The following ARMH4 variants were observed in gnomAD, a reference collection of about 807,000 sequenced individuals.
The protein encoded by ARMH4 is armadillo like helical domain containing 4.
ARMH4 carries 49 observed loss-of-function variants against 61.9 expected under a neutral mutation model. That is an observed-to-expected ratio of 0.79 (90% CI 0.63 to 1.00). ARMH4 has a LOEUF of 1.00. ARMH4 is among the 50% of genes least tolerant of loss of function. The pLI, the probability that ARMH4 is intolerant of heterozygous loss-of-function variation, is 0.00. For missense variants in ARMH4, 934 were observed against 930.0 expected (o/e 1.00, Z -0.06); for synonymous variants, 368 against 341.5 (o/e 1.08, Z -0.85).
chr14:58,024,017 A>G (rs1273038487), intron 5 of ARMH4, among the ~76,000 whole-genome samples: 1 of 152,162 alleles, frequency 6.6e-6, no homozygotes, highest in African/African-American at 2.4e-5. Context: ...GCACAGGCAG[A>G]GTAGATTTAG....
chr14:58,061,226 C>A (rs888701067), intron 5 of ARMH4, among the ~76,000 whole-genome samples: 3 of 152,222 alleles, frequency 2.0e-5, no homozygotes, highest in African/African-American at 7.2e-5. Context: ...TCCTGAATTT[C>A]AACCAATTGC....
At chr14:58,097,055 T>A in intron 4 of ARMH4, 74 bp from the exon 5 acceptor site, 1 of 1,450,636 alleles carries the variant, frequency 6.9e-7, no homozygotes, top group South Asian at 1.2e-5. Context: ...TCCTTGGAAA[T>A]GATCCAAACA....
At chr14:58,067,319 G>T (rs972729145) in intron 5 of ARMH4, among the ~76,000 whole-genome samples, 1 of 152,184 alleles carries the variant, frequency 6.6e-6, no homozygotes, top group African/African-American at 2.4e-5. Flanking sequence ...AGACACATGT[G>T]AATAAACAAA....
At chr14:58,060,148 A>G (rs1165638694) in intron 5 of ARMH4, among the ~76,000 whole-genome samples, 2 of 152,168 alleles carry the variant, frequency 1.3e-5, no homozygotes, top group Admixed American at 1.3e-4. Context: ...TATGATCACA[A>G]TTGTCTTTAC....
At chr14:58,126,516 C>T (rs530343801) in intron 4 of ARMH4, among the ~76,000 whole-genome samples, 6 of 152,352 alleles carry the variant, frequency 3.9e-5, no homozygotes, top group African/African-American at 1.4e-4. Flanking sequence ...CATACACATG[C>T]ATGCACACAT....
At chr14:58,052,979 G>C (rs1884195762) in intron 5 of ARMH4, among the ~76,000 whole-genome samples, 2 of 152,012 alleles carry the variant, frequency 1.3e-5, no homozygotes, top group Admixed American at 1.3e-4. Flanking sequence ...GAAACTAGGA[G>C]TCCCCTTTAA....
chr14:58,045,510 T>A (rs1377036891), intron 5 of ARMH4, among the ~76,000 whole-genome samples: 7 of 151,702 alleles, frequency 4.6e-5, no homozygotes, highest in South Asian at 2.1e-4. Context: ...ATACCTAATG[T>A]AAATGACGAG....
At chr14:58,040,359 A>G (rs1466948576) in intron 5 of ARMH4, among the ~76,000 whole-genome samples, 3 of 151,176 alleles carry the variant, frequency 2.0e-5, no homozygotes, top group Non-Finnish European at 4.4e-5. Flanking sequence ...GTTCCCCGCC[A>G]TGTGTCCATG....
At chr14:58,133,859 TTAAG>T (rs1273040430) in intron 2 of ARMH4, among the ~76,000 whole-genome samples, 2 of 152,234 alleles carry the variant, frequency 1.3e-5, no homozygotes, top group Non-Finnish European at 2.9e-5. Context: ...ATATAGTATC[TTAAG>T]TATGCATCCT....
intron 5 of ARMH4, among the ~76,000 whole-genome samples, chr14:58,053,968 T>C (rs925023542): frequency 4.6e-5 from 7 of 152,196 alleles, no homozygotes; most frequent in African/African-American, 1.7e-4. Flanking sequence ...GACAAAAAGA[T>C]TTAGCTTCTC....
chr14:58,098,524 G>T (rs569372707), intron 4 of ARMH4, among the ~76,000 whole-genome samples: 1 of 152,178 alleles, frequency 6.6e-6, no homozygotes, highest in Non-Finnish European at 1.5e-5. Flanking sequence ...TTTTAGAAAG[G>T]GTGATTAAAG....
intron 5 of ARMH4, among the ~76,000 whole-genome samples, chr14:58,083,879 T>C (rs1481662347): frequency 6.6e-6 from 1 of 152,236 alleles, no homozygotes; most frequent in Admixed American, 6.5e-5. Context: ...GAGCCAGTTA[T>C]GGTATTTGCC....
intron 5 of ARMH4, among the ~76,000 whole-genome samples, chr14:58,071,599 C>G (rs531284379): frequency 3.3e-5 from 5 of 152,090 alleles, no homozygotes; most frequent in Non-Finnish European, 5.9e-5. Context: ...CTCAAACACC[C>G]CAGTGAGGAG....
chr14:58,130,047 G>A (rs895269613), intron 4 of ARMH4, among the ~76,000 whole-genome samples: 4 of 152,190 alleles, frequency 2.6e-5, no homozygotes, highest in African/African-American at 9.6e-5. Context: ...AGTTTCACAA[G>A]TATGGATTAT....
intron 5 of ARMH4, among the ~76,000 whole-genome samples, chr14:58,058,594 C>A (rs1220906640): frequency 6.6e-6 from 1 of 152,142 alleles, no homozygotes; most frequent in Admixed American, 6.6e-5. Context: ...CATTTGCAAA[C>A]TGTCACGGCA....
chr14:58,133,033 C>A, intron 3 of ARMH4, 57 bp downstream of exon 3: 1 of 1,590,518 alleles, frequency 6.3e-7, no homozygotes, highest in Non-Finnish European at 8.6e-7. Flanking sequence ...TATTCCTAGT[C>A]CACTTAACAG....
chr14:58,148,296 CG>C (rs1170088719), intron 1 of ARMH4, among the ~76,000 whole-genome samples: 52 of 152,278 alleles, frequency 3.4e-4, no homozygotes, highest in Non-Finnish European at 2.4e-4. Flanking sequence ...CCACCCACCT[CG>C]GCCTCCCAAA....
intron 5 of ARMH4, among the ~76,000 whole-genome samples, chr14:58,054,465 A>G (rs1387417253): frequency 2.0e-5 from 3 of 152,234 alleles, no homozygotes; most frequent in East Asian, 3.8e-4. Flanking sequence ...ATCCAAGGAC[A>G]TCGTTTCTTC....
rs766194742 is a variant in ARMH4, at chr14:58,096,714, T to G, written c.2089+10A>C. ...GAAGGGAGGAAAAGGGAAATACACA[T>G]GACTCTTACCCAGGCCTTGATTCTG... On this transcript the variant is annotated intron_variant, in intron 5 of 7. Coordinates refer to ENST00000267485, the MANE Select transcript of ARMH4 (RefSeq NM_001001872.4). The G allele has an allele frequency of 1.2e-6, 2 of 1,611,106 alleles. No homozygotes were observed. Among genetic ancestry groups the G allele is most frequent in the East Asian group, 4.5e-5 (2 of 44,792 alleles).
Sources: allele counts gnomAD v4.1 joint callset (sites outside exome capture counted in the v4.1 genomes callset), GRCh38; gene constraint gnomAD v4.1.1; transcripts MANE v1.5; gene names NCBI Gene and HGNC (gene_info 2026-07-23, HGNC 2026-07-21).